Variants in GRID2 observed in about 807,000 individuals in gnomAD.
GRID2 encodes glutamate ionotropic receptor delta type subunit 2, also known as glutamate receptor ionotropic, delta-2.
In GRID2, 33 loss-of-function variants were observed where a neutral mutation model predicts 114.8. The observed-to-expected ratio is 0.29, with a 90% CI of 0.22 to 0.38. The LOEUF (loss-of-function observed/expected upper bound fraction) is 0.38. Ranked by LOEUF, GRID2 falls within the 10% of genes least tolerant of loss-of-function variation. The pLI is 1.00. For missense variants in GRID2, 1,184 were observed against 1,257.7 expected (o/e 0.94, Z 0.89); for synonymous variants, 505 against 449.9 (o/e 1.12, Z -1.55).
chr4:92,569,623 T>G (rs1727511246), intron 1 of GRID2, among the ~76,000 whole-genome samples: 1 of 152,120 alleles, frequency 6.6e-6, no homozygotes, highest in African/African-American at 2.4e-5. Context: ...TTCCACAACC[T>G]TGCCAGCATC....
chr4:92,384,609 ATATATGT>A (rs1729831336), intron 1 of GRID2, among the ~76,000 whole-genome samples: 1 of 52,214 alleles, frequency 1.9e-5, no homozygotes, highest in Admixed American at 3.2e-4. Context: ...ATAATATATA[ATATATGT>A]TATATATTAT....
intron 4 of GRID2, among the ~76,000 whole-genome samples, chr4:93,152,083 G>T (rs901905383): frequency 2.0e-5 from 3 of 152,050 alleles, no homozygotes; most frequent in African/African-American, 7.2e-5. Context: ...AACATTCAAG[G>T]AAGGGCACAA....
At chr4:93,389,791 T>C (rs910907217) in intron 8 of GRID2, among the ~76,000 whole-genome samples, 1 of 150,926 alleles carries the variant, frequency 6.6e-6, no homozygotes, top group Non-Finnish European at 1.5e-5. Context: ...TTTTTTTTTT[T>C]CTTTTTTTTT....
intron 1 of GRID2, among the ~76,000 whole-genome samples, chr4:92,520,357 TA>T (rs1350934146): frequency 6.8e-5 from 10 of 146,414 alleles, no homozygotes. Context: ...ATATTTTCTA[TA>T]CACATGAACA....
chr4:93,647,578 C>G (rs1272029050), intron 14 of GRID2, among the ~76,000 whole-genome samples: 1 of 152,154 alleles, frequency 6.6e-6, no homozygotes, highest in East Asian at 1.9e-4. Context: ...ATTAATATAA[C>G]TCTGTCTCTT....
intron 2 of GRID2, among the ~76,000 whole-genome samples, chr4:92,957,461 G>A (rs1752493079): frequency 6.6e-6 from 1 of 151,874 alleles, no homozygotes; most frequent in Non-Finnish European, 1.5e-5. Context: ...TTGGTATACT[G>A]TACTTATGTA....
At chr4:93,007,892 T>G (rs986557743) in intron 2 of GRID2, among the ~76,000 whole-genome samples, 2 of 151,564 alleles carry the variant, frequency 1.3e-5, no homozygotes, top group Admixed American at 1.3e-4. Context: ...AATACAAAAA[T>G]TAGCTGGCCA....
At chr4:93,266,688 A>G (rs1750870038) in intron 8 of GRID2, among the ~76,000 whole-genome samples, 1 of 152,146 alleles carries the variant, frequency 6.6e-6, no homozygotes, top group Non-Finnish European at 1.5e-5. Flanking sequence ...TGCTGGGATT[A>G]CAGGTGTATT....
At chr4:92,717,923 A>C (rs1186363300) in intron 2 of GRID2, among the ~76,000 whole-genome samples, 1 of 152,184 alleles carries the variant, frequency 6.6e-6, no homozygotes, top group African/African-American at 2.4e-5. Flanking sequence ...CAAAATATTA[A>C]ATACAATGAA....
At chr4:92,711,206 C>G (rs942943278) in intron 2 of GRID2, among the ~76,000 whole-genome samples, 1 of 151,646 alleles carries the variant, frequency 6.6e-6, no homozygotes, top group Non-Finnish European at 1.5e-5. Context: ...GTATTCAGAC[C>G]CTTTAGAGAC....
chr4:93,144,544 C>T (rs1447772773), intron 4 of GRID2, among the ~76,000 whole-genome samples: 1 of 152,126 alleles, frequency 6.6e-6, no homozygotes, highest in Non-Finnish European at 1.5e-5. Context: ...CCAGGCACAA[C>T]CTGTGGTTCC....
At chr4:92,931,582 A>T (rs2149520892) in intron 2 of GRID2, among the ~76,000 whole-genome samples, 1 of 150,980 alleles carries the variant, frequency 6.6e-6, no homozygotes, top group South Asian at 2.1e-4. Context: ...AAAATCACTA[A>T]GAAATTACAA....
intron 1 of GRID2, among the ~76,000 whole-genome samples, chr4:92,348,191 G>T (rs138104155): frequency 5.9e-4 from 90 of 152,176 alleles, no homozygotes; most frequent in Non-Finnish European, 9.3e-4. Flanking sequence ...GTCTCAAACT[G>T]CTGGGCTCAA....
chr4:93,406,194 T>G (rs1310082893), intron 9 of GRID2, among the ~76,000 whole-genome samples: 1 of 152,108 alleles, frequency 6.6e-6, no homozygotes, highest in East Asian at 1.9e-4. Flanking sequence ...GCTATAAAAC[T>G]GAGCCAAGTA....
intron 1 of GRID2, among the ~76,000 whole-genome samples, chr4:92,478,065 T>G (rs931352550): frequency 2.3e-4 from 35 of 151,718 alleles, no homozygotes; most frequent in African/African-American, 6.0e-4. Context: ...TAAATAACAT[T>G]AAAAAATTGA....
At chr4:93,047,346 A>G (rs1726246301) in intron 2 of GRID2, among the ~76,000 whole-genome samples, 1 of 152,140 alleles carries the variant, frequency 6.6e-6, no homozygotes, top group Non-Finnish European at 1.5e-5. Context: ...TAATGTGTCA[A>G]TATTGGTTCA....
At chr4:92,529,180 T>C (rs1039431349) in intron 1 of GRID2, among the ~76,000 whole-genome samples, 1 of 152,020 alleles carries the variant, frequency 6.6e-6, no homozygotes, top group East Asian at 1.9e-4. Context: ...TTCATCATTA[T>C]CATGTACTTA....
intron 11 of GRID2, among the ~76,000 whole-genome samples, chr4:93,489,834 T>C (rs1352581874): frequency 6.6e-6 from 1 of 151,940 alleles, no homozygotes; most frequent in Non-Finnish European, 1.5e-5. Context: ...TAAAATGAGT[T>C]CTGTTTTAGA....
At chr4:93,685,367 G>C (rs1327157700) in intron 14 of GRID2, among the ~76,000 whole-genome samples, 1 of 151,994 alleles carries the variant, frequency 6.6e-6, no homozygotes, top group Admixed American at 6.6e-5. Context: ...TTCTAGCTCA[G>C]ACGTCACATC....
Sources: gnomAD v4.1 joint callset for allele counts (sites outside exome capture counted in the v4.1 genomes callset) on GRCh38, gnomAD v4.1.1 for gene constraint, MANE v1.5 for transcripts, NCBI Gene and HGNC (gene_info 2026-07-23, HGNC 2026-07-21) for gene names.